Variants in PCDH15 observed in about 807,000 individuals in gnomAD.
PCDH15 encodes the protein protocadherin-15.
In PCDH15, 129 loss-of-function variants were observed where a neutral mutation model predicts 178.5. The ratio of observed to expected loss-of-function variants is 0.72; its 90% CI spans 0.63 to 0.84. The LOEUF (loss-of-function observed/expected upper bound fraction) is 0.84, where lower values mean the gene tolerates loss of function less well. Ranked by LOEUF, PCDH15 falls within the 40% of genes least tolerant of loss-of-function variation. The pLI is 0.00. For missense variants in PCDH15, 2,230 were observed against 2,099.9 expected (o/e 1.06, Z -1.21); for synonymous variants, 800 against 732.0 (o/e 1.09, Z -1.50).
intron 2 of PCDH15, among the ~76,000 whole-genome samples, chr10:54,992,225 C>G (rs1214496891): frequency 1.3e-5 from 2 of 152,124 alleles, no homozygotes; most frequent in East Asian, 3.9e-4. Context: ...ATATGTTTCT[C>G]CACCACACTG....
At chr10:55,052,327 TGATCCGCCCACCGG>T (rs1004543491) in intron 2 of PCDH15, among the ~76,000 whole-genome samples, 4 of 502 alleles carry the variant, frequency 8.0e-3, no homozygotes, top group African/African-American at 0.027. Flanking sequence ...CCTTACCTCG[TGATCCGCCCACCGG>T]CCTCCCAAAG....
At chr10:54,525,020 G>A (rs1050571352) in intron 3 of PCDH15, among the ~76,000 whole-genome samples, 5 of 152,084 alleles carry the variant, frequency 3.3e-5, no homozygotes, top group African/African-American at 1.2e-4. Context: ...ATGTATAAAT[G>A]CACTTGACAT....
chr10:55,151,959 A>C (rs1838734382), intron 2 of PCDH15, among the ~76,000 whole-genome samples: 1 of 152,006 alleles, frequency 6.6e-6, no homozygotes, highest in African/African-American at 2.4e-5. Context: ...GGAAGAAGTA[A>C]TGACTGAGTT....
At chr10:54,605,060 T>A (rs1305992347) in intron 2 of PCDH15, among the ~76,000 whole-genome samples, 2 of 151,900 alleles carry the variant, frequency 1.3e-5, no homozygotes, top group African/African-American at 4.8e-5. Context: ...CCATTATAGA[T>A]TATTGATATC....
At chr10:54,257,323 C>T (rs1025060628) in intron 8 of PCDH15, among the ~76,000 whole-genome samples, 3 of 151,474 alleles carry the variant, frequency 2.0e-5, no homozygotes, top group African/African-American at 7.3e-5. Context: ...CTTCACATTT[C>T]GTCAGAATTT....
At chr10:55,583,283 C>G (rs1351344451) in intron 2 of PCDH15, among the ~76,000 whole-genome samples, 1 of 152,124 alleles carries the variant, frequency 6.6e-6, no homozygotes, top group Non-Finnish European at 1.5e-5. Context: ...TTAAAGTTTT[C>G]ACAGGAAGAA....
intron 3 of PCDH15, among the ~76,000 whole-genome samples, chr10:54,421,945 A>AT (rs1565232601): frequency 0.013 from 1,473 of 112,780 alleles, 57 homozygotes; most frequent in Middle Eastern, 0.048. Context: ...ATATATATAT[A>AT]AAAATATATA....
At chr10:54,974,642 T>C (rs1042884293) in intron 2 of PCDH15, among the ~76,000 whole-genome samples, 1 of 152,106 alleles carries the variant, frequency 6.6e-6, no homozygotes, top group Non-Finnish European at 1.5e-5. Context: ...GAAATGATTC[T>C]TTTGATCTCA....
intron 1 of PCDH15, among the ~76,000 whole-genome samples, chr10:54,743,326 G>C (rs897866934): frequency 6.6e-6 from 1 of 151,974 alleles, no homozygotes; most frequent in Non-Finnish European, 1.5e-5. Flanking sequence ...GGTACATTAA[G>C]GAGAAGGTAT....
chr10:54,879,717 A>G (rs1319735998), intron 3 of PCDH15, among the ~76,000 whole-genome samples: 2 of 151,420 alleles, frequency 1.3e-5, no homozygotes, highest in East Asian at 3.9e-4. Context: ...GATATAGTTC[A>G]TAATGAAATT....
chr10:54,282,757 G>T (rs2058780410), intron 8 of PCDH15, among the ~76,000 whole-genome samples: 1 of 151,972 alleles, frequency 6.6e-6, no homozygotes, highest in Non-Finnish European at 1.5e-5. Flanking sequence ...TGAAAGTCTG[G>T]ATGATTTTTG....
At chr10:55,350,720 C>T (rs974317451) in intron 2 of PCDH15, among the ~76,000 whole-genome samples, 4 of 151,822 alleles carry the variant, frequency 2.6e-5, no homozygotes, top group African/African-American at 9.7e-5. Context: ...TGTTATTAAA[C>T]CTAAATAGGA....
chr10:54,268,325 T>G (rs1346526515), intron 8 of PCDH15, among the ~76,000 whole-genome samples: 2 of 151,902 alleles, frequency 1.3e-5, no homozygotes, highest in African/African-American at 2.4e-5. Context: ...ATAAGAAGCC[T>G]AGAATTAGAC....
chr10:55,054,808 T>C (rs1841256647), intron 2 of PCDH15, among the ~76,000 whole-genome samples: 2 of 152,222 alleles, frequency 1.3e-5, no homozygotes, highest in African/African-American at 4.8e-5. Flanking sequence ...GCCACATATA[T>C]GGTTTCTTTT....
intron 1 of PCDH15, among the ~76,000 whole-genome samples, chr10:55,318,992 G>T (rs942042304): frequency 6.6e-6 from 1 of 151,978 alleles, no homozygotes; most frequent in Admixed American, 6.6e-5. Context: ...AATCTTATTT[G>T]TAGTAGTTTG....
At chr10:54,974,241 A>C (rs1310318025) in intron 2 of PCDH15, among the ~76,000 whole-genome samples, 4 of 152,156 alleles carry the variant, frequency 2.6e-5, no homozygotes, top group Non-Finnish European at 5.9e-5. Flanking sequence ...AAGCTAAAGA[A>C]GTATTATACA....
intron 2 of PCDH15, among the ~76,000 whole-genome samples, chr10:54,935,458 A>G (rs1202470415): frequency 6.6e-6 from 1 of 152,126 alleles, no homozygotes; most frequent in African/African-American, 2.4e-5. Flanking sequence ...TAATTTTATT[A>G]GTTTGGTTGC....
intron 2 of PCDH15, among the ~76,000 whole-genome samples, chr10:55,528,316 T>G (rs1479269552): frequency 6.6e-6 from 1 of 152,040 alleles, no homozygotes; most frequent in African/African-American, 2.4e-5. Context: ...CATGTTGGTG[T>G]GCTGCACCCA....
chr10:54,513,193 G>A (rs1373203915), intron 3 of PCDH15, among the ~76,000 whole-genome samples: 2 of 151,270 alleles, frequency 1.3e-5, no homozygotes, highest in African/African-American at 2.4e-5. Flanking sequence ...TTTAGTGTTA[G>A]ATTTCTTTTT....
Sources: allele counts gnomAD v4.1 joint callset (sites outside exome capture counted in the v4.1 genomes callset), GRCh38; gene constraint gnomAD v4.1.1; transcripts MANE v1.5; gene names NCBI Gene and HGNC (gene_info 2026-07-23, HGNC 2026-07-21).